The following SUPT6H variants were observed in gnomAD, a reference collection of about 807,000 sequenced individuals.
SUPT6H encodes transcription elongation factor SPT6.
Under a neutral mutation model 222.3 loss-of-function variants are expected in SUPT6H, and 11 were observed. The observed-to-expected ratio is 0.05, with a 90% CI of 0.03 to 0.08. The LOEUF is 0.08. Among genes scored for constraint, SUPT6H ranks in the 10% least tolerant of loss-of-function variants. The pLI is 1.00. For missense variants in SUPT6H, 1,422 were observed against 2,216.0 expected (o/e 0.64, Z 7.19); for synonymous variants, 762 against 801.2 (o/e 0.95, Z 0.83).
chr17:28,668,598 C>T (rs1238853744), intron 1 of SUPT6H, among the ~76,000 whole-genome samples: 1 of 152,190 alleles, frequency 6.6e-6, no homozygotes, highest in Non-Finnish European at 1.5e-5. Context: ...ACCAGCTGCC[C>T]TTGAGACAGA....
At chr17:28,680,028 G>C (rs1386012672) in intron 11 of SUPT6H, among the ~76,000 whole-genome samples, 1 of 149,230 alleles carries the variant, frequency 6.7e-6, no homozygotes, top group Non-Finnish European at 1.5e-5. Flanking sequence ...AAGGAGGCCA[G>C]GCGCAGTGCC....
intron 7 of SUPT6H, 74 bp downstream of exon 7, chr17:28,676,504 T>C: frequency 1.9e-6 from 3 of 1,597,982 alleles, no homozygotes; most frequent in Non-Finnish European, 2.5e-6. Flanking sequence ...CTAGCAAAAG[T>C]CTGGCATTGA....
rs2032150150 is a variant in SUPT6H at position 28,701,864 on chromosome 17, G to A, written c.*239G>A. Reference sequence around the variant, plus strand: ...CGACCACCTGTCCTGGGACCAGGCTGGGAGGGGAGTGTGGCAGGGAGGAGG... The same window carrying A: ...CGACCACCTGTCCTGGGACCAGGCTAGGAGGGGAGTGTGGCAGGGAGGAGG... On this transcript the variant is annotated 3_prime_UTR_variant, in exon 37 of 37. Transcript: ENST00000314616. 2 of 515,934 alleles carry A rather than the reference G, an allele frequency of 3.9e-6. No homozygotes were observed. The highest frequency in any genetic ancestry group is 6.9e-6 in the Non-Finnish European group (2 of 290,500). The allele number at this position is 515,934 out of a possible 1,614,324, so 32.0% of individuals were successfully genotyped here.
At position 28,687,224 on chromosome 17, in the gene SUPT6H, A is replaced by G; in HGVS notation, c.2837A>G (p.Gln946Arg). 6.2e-7 allele frequency: 1 copy of G among 1,614,210 alleles called. No homozygotes were observed. Among genetic ancestry groups the G allele is most frequent in the Non-Finnish European group, 8.5e-7 (1 of 1,180,036 alleles). The change falls in exon 22 of 37, where the codon CAG becomes CGG. Residue 946 changes from glutamine to arginine, a missense_variant and splice_region_variant. This residue lies in a region of SUPT6H where 294 missense variants were observed against 382.1 expected (regional missense o/e 0.77). Coordinates refer to ENST00000314616, the MANE Select transcript of SUPT6H (RefSeq NM_003170.5). ...DILCLKFHPL[Q>R]EHVVKEELLN... ...CTGTGTCTCAAGTTTCACCCCTTGC[A>G]GGTGAGTAGGATTTGACAGGCAGGC...
At position 28,701,714 on chromosome 17, in the gene SUPT6H, C is replaced by T; in HGVS notation, c.*89C>T. On this transcript the variant is annotated 3_prime_UTR_variant, in exon 37 of 37. Transcript: ENST00000314616. The stretch of plus-strand genomic sequence containing the variant: ...CCCTCCCTGCCCCTCCTTTTATGTC[C>T]ATAAAGTGGCGTGAAGTGAGACGTT... 1.4e-6 allele frequency: 2 copies of T among 1,387,242 alleles called. No homozygotes were observed. The highest frequency in any genetic ancestry group is 2.0e-6 in the Non-Finnish European group (2 of 1,022,814). 85.9% of individuals were successfully genotyped at this position (1,387,242 alleles called of 1,614,324 possible). A position where few individuals can be genotyped will look rare whatever the true frequency, so the allele number is the denominator to read the frequency against.
chr17:28,683,815 A>G lies in SUPT6H; in HGVS notation c.2228A>G (p.Lys743Arg). The part of the protein sequence containing the change: ...LLAEAKEYVI[K>R]ACSRKLYNWL... ...GCTGAAGCCAAGGAATATGTCATAA[A>G]GGTGAGGACAGAGACTCATGATTTT... is the stretch of plus-strand genomic sequence containing the variant. The change falls in exon 17 of 37, where the codon AAG (lysine) becomes AGG (arginine). Residue 743 changes from lysine (K) to arginine (R), a missense_variant and splice_region_variant. By Grantham distance (26) the Lys-to-Arg change is conservative (BLOSUM62 2). This residue lies in a region of SUPT6H where 294 missense variants were observed against 382.1 expected (regional missense o/e 0.77). Coordinates refer to ENST00000314616, the MANE Select transcript of SUPT6H (RefSeq NM_003170.5). The G allele has an allele frequency of 1.2e-6, 2 of 1,608,124 alleles. No homozygotes were observed. Among genetic ancestry groups the G allele is most frequent in the Non-Finnish European group, 1.7e-6 (2 of 1,177,422 alleles).
Position 28,701,422 on chromosome 17 carries a change from T to A in SUPT6H, c.4995-17T>A, listed in dbSNP as rs1329442038. The A allele has an allele frequency of 2.5e-6, 4 of 1,609,578 alleles. No individual in the cohort carries two copies. Among genetic ancestry groups the A allele is most frequent in the Middle Eastern group, 1.6e-4 (1 of 6,064 alleles). Reference sequence around the variant, plus strand: ...CTTCTAGCAAAGTCCCAATCTCAACTTTTCTTCCCCTCCCAGGTCCAACAG... The same window carrying A: ...CTTCTAGCAAAGTCCCAATCTCAACATTTCTTCCCCTCCCAGGTCCAACAG... On this transcript the variant is annotated splice_polypyrimidine_tract_variant and intron_variant, in intron 36 of 36. Coordinates refer to ENST00000314616, the MANE Select transcript of SUPT6H (RefSeq NM_003170.5).
chr17:28,666,253 C>G (rs1400458455), intron 1 of SUPT6H, among the ~76,000 whole-genome samples: 2 of 152,360 alleles, frequency 1.3e-5, no homozygotes, highest in South Asian at 2.1e-4. Context: ...CATCAATTCT[C>G]TAAATCAGGG....
intron 8 of SUPT6H, 125 bp downstream of exon 8, chr17:28,677,941 CCAA>C: frequency 7.8e-7 from 1 of 1,278,326 alleles, no homozygotes; most frequent in Non-Finnish European, 1.1e-6. Flanking sequence ...GTATGTAGTC[CCAA>C]CAAGTGTGTG....
Position 28,701,850 on chromosome 17 carries a change from C to A in SUPT6H, c.*225C>A. 2 of 532,258 alleles carry A rather than the reference C, an allele frequency of 3.8e-6. No individual in the cohort carries two copies. Among genetic ancestry groups the A allele is most frequent in the South Asian group, 3.1e-5 (1 of 32,436 alleles). 33.0% of individuals were successfully genotyped at this position (532,258 alleles called of 1,614,324 possible). A position where few individuals can be genotyped will look rare whatever the true frequency, so the allele number is the denominator to read the frequency against. On this transcript the variant is annotated 3_prime_UTR_variant, in exon 37 of 37. Transcript: ENST00000314616. ...CTCCAGACCCTCACCGACCACCTGT[C>A]CTGGGACCAGGCTGGGAGGGGAGTG...
At chr17:28,687,856 T>C (rs1276452295) in intron 23 of SUPT6H, among the ~76,000 whole-genome samples, 1 of 152,168 alleles carries the variant, frequency 6.6e-6, no homozygotes, top group Non-Finnish European at 1.5e-5. Flanking sequence ...CATACATTAG[T>C]TGTATATGGT....
chr17:28,690,990 C>T lies in SUPT6H; in HGVS notation c.3560C>T (p.Ala1187Val). ...CCCCAGGGTGAGAGCTATGACCAGG[C>T]GATCCGCAATGATGAGACAGGGCTG... is the stretch of plus-strand genomic sequence containing the variant. The part of the protein sequence containing the change: ...RRPQGESYDQ[A>V]IRNDETGLWQ... Residue 1187 changes from alanine (A) to valine (V), a missense_variant, in exon 27 of 37, where the codon GCG becomes GTG. Around this residue, in one of 13 missense-constraint regions of SUPT6H, gnomAD observed 60 missense variants for 96.7 expected, o/e 0.62. Coordinates refer to ENST00000314616, the MANE Select transcript of SUPT6H (RefSeq NM_003170.5). 1 of 1,614,102 alleles carries T rather than the reference C, an allele frequency of 6.2e-7. No individual in the cohort carries two copies. Among genetic ancestry groups the T allele is most frequent in the Non-Finnish European group, 8.5e-7 (1 of 1,180,022 alleles).
intron 6 of SUPT6H, 97 bp downstream of exon 6, chr17:28,675,582 C>G (rs1336198775): frequency 3.4e-5 from 43 of 1,279,518 alleles, no homozygotes; most frequent in Non-Finnish European, 4.8e-5. Context: ...GGGGCATTCC[C>G]AGCTTGCAGC....
In SUPT6H at chr17:28,696,896, G is replaced by A; in HGVS notation, c.4023G>A (p.Lys1341=). ...AHPSFHNINF[K]QAEKMMETMD... Reference sequence around the variant, plus strand: ...CATCCTTCCATAATATCAATTTCAAGCAAGCAGAAAAGATGATGGAGACCA... The same window carrying A: ...CATCCTTCCATAATATCAATTTCAAACAAGCAGAAAAGATGATGGAGACCA... The change falls in exon 30 of 37, where the codon AAG becomes AAA. Residue 1341 remains lysine (K), a synonymous_variant. Transcript: ENST00000314616. 1 of 1,614,004 alleles carries A rather than the reference G, an allele frequency of 6.2e-7. No homozygotes were observed. The highest frequency in any genetic ancestry group is 8.5e-7 in the Non-Finnish European group (1 of 1,180,032).
chr17:28,666,113 C>T (rs2029994933), intron 1 of SUPT6H, among the ~76,000 whole-genome samples: 1 of 152,190 alleles, frequency 6.6e-6, no homozygotes, highest in Non-Finnish European at 1.5e-5. Flanking sequence ...ACATCACTCC[C>T]CAAACCATCT....
At chr17:28,689,293 T>G (rs2031537830) in intron 24 of SUPT6H, 61 bp from the exon 25 acceptor site, 1 of 1,529,612 alleles carries the variant, frequency 6.5e-7, no homozygotes, top group Non-Finnish European at 9.0e-7. Flanking sequence ...TTGGTGGACA[T>G]TTGGGTTGTT....
rs1037031861 is a variant in SUPT6H at position 28,701,866 on chromosome 17, G to A, written c.*241G>A. On this transcript the variant is annotated 3_prime_UTR_variant, in exon 37 of 37. Transcript: ENST00000314616. Reference sequence around the variant, plus strand: ...ACCACCTGTCCTGGGACCAGGCTGGGAGGGGAGTGTGGCAGGGAGGAGGAA... The same window carrying A: ...ACCACCTGTCCTGGGACCAGGCTGGAAGGGGAGTGTGGCAGGGAGGAGGAA... The A allele has an allele frequency of 4.3e-5, 22 of 515,714 alleles. No homozygotes were observed. The highest frequency in any genetic ancestry group is 6.9e-5 in the Non-Finnish European group (20 of 290,292). The allele number at this position is 515,714 out of a possible 1,614,324, so 31.9% of individuals were successfully genotyped here.
At chr17:28,668,737 T>A (rs2030240094) in intron 1 of SUPT6H, among the ~76,000 whole-genome samples, 1 of 152,214 alleles carries the variant, frequency 6.6e-6, no homozygotes, top group Non-Finnish European at 1.5e-5. Flanking sequence ...CTTGTGGGTC[T>A]GATAGCCTAA....
chr17:28,675,619 C>G, intron 6 of SUPT6H, 134 bp downstream of exon 6: 1 of 838,818 alleles, frequency 1.2e-6, no homozygotes, highest in Non-Finnish European at 1.9e-6. Context: ...CTCAAATAAC[C>G]TCTACCAGGC....
Sources: gnomAD v4.1 joint callset for allele counts (sites outside exome capture counted in the v4.1 genomes callset) on GRCh38, gnomAD v4.1.1 for gene constraint, gnomAD v4.1.1 regional missense constraint, MANE v1.5 for transcripts, NCBI Gene and HGNC (gene_info 2026-07-23, HGNC 2026-07-21) for gene names.